Variants in CDH18 observed in about 807,000 individuals in gnomAD.
CDH18 encodes cadherin-18.
A neutral mutation model predicts 67.9 loss-of-function variants in CDH18; 31 were observed. The observed-to-expected ratio is 0.46, with a 90% confidence interval of 0.34 to 0.62. The LOEUF (loss-of-function observed/expected upper bound fraction) is 0.62. Ranked by LOEUF, CDH18 falls within the 20% of genes least tolerant of loss-of-function variation. The pLI is 0.01. For missense variants in CDH18, 890 were observed against 975.5 expected, an observed-to-expected ratio of 0.91 and a Z score of 1.17; for synonymous variants, 362 against 347.2, an observed-to-expected ratio of 1.04 and a Z score of -0.48.
intron 12 of CDH18, chr5:19,478,372 G>T (rs896001533): frequency 1.3e-5 from 2 of 152,176 alleles, no homozygotes; most frequent in Admixed American, 6.6e-5. Context: ...AGTCAGGGAG[G>T]TTATTTTTAT....
chr5:20,496,800 C>A lies in CDH18; in HGVS notation c.-580+78662G>T, dbSNP rs528301016. ...CATGCAATCAAACACCTATCTCTAA[C>A]CTTACGTAGCTTTCAGTCTATTGCC... is the stretch of plus-strand genomic sequence containing the variant. On this transcript the variant is annotated intron_variant, in intron 1 of 14. Coordinates refer to the CDH18 transcript ENST00000507958. Among the ~76,000 whole-genome samples the A allele has an allele frequency of 5.7e-4, 87 of 152,152 alleles. 1 individual carries two copies. Among genetic ancestry groups the A allele is most frequent in the African/African-American group, 2.1e-3 (86 of 41,532 alleles).
chr5:20,503,843 G>A (rs1754485651), intron 1 of CDH18, among the ~76,000 whole-genome samples: 1 of 152,116 alleles, frequency 6.6e-6, no homozygotes, highest in Non-Finnish European at 1.5e-5. Context: ...TTCAAGACCA[G>A]CCTGGGCAAC....
At chr5:19,673,512 C>T (rs977495087) in intron 5 of CDH18, among the ~76,000 whole-genome samples, 1 of 151,796 alleles carries the variant, frequency 6.6e-6, no homozygotes, top group Non-Finnish European at 1.5e-5. Flanking sequence ...AGTAAACTAA[C>T]GTAAAGCATA....
At chr5:20,264,966 A>T (rs1017013029) in intron 1 of CDH18, among the ~76,000 whole-genome samples, 4 of 152,112 alleles carry the variant, frequency 2.6e-5, no homozygotes, top group African/African-American at 9.7e-5. Context: ...ATTTAAGGAA[A>T]AGAAAAATGA....
intron 2 of CDH18, among the ~76,000 whole-genome samples, chr5:20,211,993 G>C (rs759605669): frequency 6.6e-6 from 1 of 152,102 alleles, no homozygotes; most frequent in African/African-American, 2.4e-5. Context: ...TGAGCAAAAG[G>C]AGGATGTTTG....
intron 1 of CDH18, among the ~76,000 whole-genome samples, chr5:20,483,319 A>T (rs1161227022): frequency 6.6e-6 from 1 of 152,114 alleles, no homozygotes; most frequent in Non-Finnish European, 1.5e-5. Context: ...GGAAGAATCA[A>T]TGTTGTTAAA....
chr5:20,570,132 A>G (rs1451454851), intron 1 of CDH18, among the ~76,000 whole-genome samples: 1 of 152,194 alleles, frequency 6.6e-6, no homozygotes, highest in African/African-American at 2.4e-5. Context: ...GTCAAAATTT[A>G]TATAATATAC....
At chr5:20,281,235 G>T (rs990121809) in intron 1 of CDH18, among the ~76,000 whole-genome samples, 10 of 152,028 alleles carry the variant, frequency 6.6e-5, no homozygotes, top group African/African-American at 1.9e-4. Context: ...GTCAATTCTG[G>T]CTTTTGTTGC....
chr5:20,243,786 T>C (rs528478018), intron 2 of CDH18, among the ~76,000 whole-genome samples: 4 of 152,256 alleles, frequency 2.6e-5, no homozygotes, highest in South Asian at 2.1e-4. Flanking sequence ...ATATTTATCA[T>C]TGTAGCCTAG....
At chr5:20,518,746 C>A (rs1012610101) in intron 1 of CDH18, among the ~76,000 whole-genome samples, 1 of 152,100 alleles carries the variant, frequency 6.6e-6, no homozygotes, top group African/African-American at 2.4e-5. Context: ...ACAGTTTATC[C>A]GTCGTATTCA....
intron 5 of CDH18, among the ~76,000 whole-genome samples, chr5:19,643,807 G>A (rs568873982): frequency 6.6e-6 from 1 of 152,220 alleles, no homozygotes; most frequent in African/African-American, 2.4e-5. Context: ...CTCAAAATTT[G>A]ATAAGATGAT....
chr5:19,660,312 T>C (rs1354306797), intron 5 of CDH18, among the ~76,000 whole-genome samples: 6 of 152,164 alleles, frequency 3.9e-5, no homozygotes, highest in African/African-American at 1.4e-4. Flanking sequence ...AAACAACTTT[T>C]TGCCTCATTA....
intron 3 of CDH18, among the ~76,000 whole-genome samples, chr5:19,750,630 A>G (rs1226818067): frequency 6.6e-6 from 1 of 152,114 alleles, no homozygotes; most frequent in Non-Finnish European, 1.5e-5. Context: ...TGACTCAGTA[A>G]CCAGTTAAAT....
chr5:19,816,128 A>G (rs1779262224), intron 3 of CDH18, among the ~76,000 whole-genome samples: 1 of 151,902 alleles, frequency 6.6e-6, no homozygotes, highest in Non-Finnish European at 1.5e-5. Flanking sequence ...CAATATAGCC[A>G]AGATTCTAAG....
chr5:19,668,587 G>A (rs989544289), intron 5 of CDH18, among the ~76,000 whole-genome samples: 3 of 151,992 alleles, frequency 2.0e-5, no homozygotes, highest in Admixed American at 6.6e-5. Context: ...TATCAGTTTC[G>A]CTTCATTTTG....
At chr5:19,957,634 C>T (rs75436273) in intron 2 of CDH18, among the ~76,000 whole-genome samples, 3,700 of 151,742 alleles carry the variant, frequency 0.024, 140 homozygotes, top group African/African-American at 0.082. Flanking sequence ...AAATTACCAT[C>T]AAAACTCCAA....
chr5:20,310,269 A>G (rs547017769), intron 1 of CDH18, among the ~76,000 whole-genome samples: 3 of 152,298 alleles, frequency 2.0e-5, no homozygotes, highest in African/African-American at 2.4e-5. Context: ...GAAAACTTCA[A>G]TCTTATCTTA....
intron 5 of CDH18, among the ~76,000 whole-genome samples, chr5:19,689,483 C>T (rs999940291): frequency 4.1e-4 from 63 of 151,936 alleles, no homozygotes; most frequent in African/African-American, 1.5e-3. Flanking sequence ...CAAGCAAAAA[C>T]TGAAGGAATT....
chr5:20,543,319 C>G (rs935813777), intron 1 of CDH18, among the ~76,000 whole-genome samples: 4 of 151,864 alleles, frequency 2.6e-5, no homozygotes, highest in Non-Finnish European at 5.9e-5. Flanking sequence ...TATTTTTTCT[C>G]ATAATTATAA....
Sources: allele counts gnomAD v4.1 joint callset (sites outside exome capture counted in the v4.1 genomes callset), GRCh38; gene constraint gnomAD v4.1.1; transcripts MANE v1.5; gene names NCBI Gene and HGNC (gene_info 2026-07-23, HGNC 2026-07-21).